The following PKP1 variants were observed in gnomAD, a reference collection of about 807,000 sequenced individuals.
PKP1 encodes plakophilin-1.
Under a neutral mutation model 76.4 loss-of-function variants are expected in PKP1, and 27 were observed. The ratio of observed to expected loss-of-function variants is 0.35; its 90% CI spans 0.26 to 0.49. The LOEUF (loss-of-function observed/expected upper bound fraction) is 0.49, where lower values mean the gene tolerates loss of function less well. PKP1 is among the 20% of genes least tolerant of loss of function. PKP1 has a pLI of 0.99. For missense variants in PKP1, 964 were observed against 955.2 expected (o/e 1.01, Z -0.12); for synonymous variants, 404 against 384.2 (o/e 1.05, Z -0.60).
At chr1:201,323,278 C>T (rs1657005336) in intron 9 of PKP1, 89 bp downstream of exon 9, 2 of 1,311,098 alleles carry the variant, frequency 1.5e-6, no homozygotes, top group Non-Finnish European at 1.1e-6. Context: ...CCCAGCCTGT[C>T]CCCTGACTTC....
At chr1:201,310,597 T>C (rs1779284) in intron 2 of PKP1, among the ~76,000 whole-genome samples, 75,627 of 152,108 alleles carry the variant, frequency 0.5, 22,829 homozygotes, top group East Asian at 0.74. Context: ...TTGGAGGGAA[T>C]CCAGGCCCCC....
chr1:201,296,233 T>C (rs1318947108), intron 2 of PKP1, among the ~76,000 whole-genome samples: 1 of 152,150 alleles, frequency 6.6e-6, no homozygotes, highest in Admixed American at 6.5e-5. Flanking sequence ...AGTGGAATAA[T>C]TGATATTGGA....
chr1:201,293,284 C>A (rs1019760553), intron 1 of PKP1, among the ~76,000 whole-genome samples: 1 of 152,208 alleles, frequency 6.6e-6, no homozygotes, highest in Non-Finnish European at 1.5e-5. Context: ...CACTTTGCCA[C>A]TAATAACCCT....
rs1488332347 is a variant in PKP1 at position 201,328,829 on chromosome 1, G to A, written c.2174G>A (p.Arg725Gln). 9 of 1,613,514 alleles carry A rather than the reference G, an allele frequency of 5.6e-6. No homozygotes were observed. The highest frequency in any genetic ancestry group is 2.7e-5 in the African/African-American group (2 of 74,926). The change falls in exon 13 of 14, where the codon CGA becomes CAA. Residue 725 changes from arginine to glutamine, a missense_variant. Transcript: ENST00000367324. ...GANSLRNFTS[R>Q]F is the part of the protein sequence containing the mutation. ...AACAGCCTCAGGAACTTCACCTCCC[G>A]ATTCTAAGAAGAGACTGTCCAAGCA...
intron 2 of PKP1, among the ~76,000 whole-genome samples, chr1:201,303,792 G>GC (rs1656299210): frequency 6.6e-6 from 1 of 152,154 alleles, no homozygotes; most frequent in Non-Finnish European, 1.5e-5. Flanking sequence ...TCACCCCACA[G>GC]CCACCAGTAG....
rs561106426 is a variant in PKP1, at chr1:201,289,064, G to A, written c.203-4878G>A. 2.0e-5 allele frequency among the ~76,000 whole-genome samples: 3 copies of A among 152,314 alleles called. No homozygotes were observed. The South Asian group carries it at 6.2e-4, about 32-fold the overall frequency. On this transcript the variant is annotated intron_variant, in intron 1 of 13. Transcript: ENST00000367324. ...ATCTCCTAGAAGCTGCCGAGTTGGG[G>A]AGGCATGTCCACGGTGCTCCCAGCA...
Position 201,328,747 on chromosome 1 carries a change from T to C in PKP1, c.2107-15T>C. ...ACAGTTTTGTGTCATTTGGTTGCTG[T>C]TTCTCCCTTTGCAGCAAGGTTTCGA... On this transcript the variant is annotated splice_polypyrimidine_tract_variant and intron_variant, in intron 12 of 13. Coordinates refer to ENST00000367324, the MANE Select transcript of PKP1 (RefSeq NM_001005337.3). 1 of 1,613,546 alleles carries C rather than the reference T, an allele frequency of 6.2e-7. No homozygotes were observed. Among genetic ancestry groups the C allele is most frequent in the Non-Finnish European group, 8.5e-7 (1 of 1,179,464 alleles).
chr1:201,298,706 C>A (rs1226817552), intron 2 of PKP1, among the ~76,000 whole-genome samples: 1 of 152,182 alleles, frequency 6.6e-6, no homozygotes, highest in African/African-American at 2.4e-5. Context: ...TTGGCATTGT[C>A]CTATTCATTG....
chr1:201,298,438 T>C (rs1656134169), intron 2 of PKP1, among the ~76,000 whole-genome samples: 1 of 152,208 alleles, frequency 6.6e-6, no homozygotes, highest in South Asian at 2.1e-4. Flanking sequence ...TTTACTTATT[T>C]TTAAATCAAG....
rs528859043 is a variant in PKP1 at position 201,293,890 on chromosome 1, G to A, written c.203-52G>A. On this transcript the variant is annotated intron_variant, in intron 1 of 13. Transcript: ENST00000367324. The stretch of plus-strand genomic sequence containing the variant: ...AGAAGTGATGCCCTGAGGAACAGGG[G>A]TGGATGAAGATCATGGCCATCCCTG... 8 of 1,189,144 alleles carry A rather than the reference G, an allele frequency of 6.7e-6. No homozygotes were observed. The East Asian group carries it at 1.5e-4, about 22-fold the overall frequency. 73.7% of individuals were successfully genotyped at this position (1,189,144 alleles called of 1,614,324 possible).
chr1:201,317,092 T>G (rs1656774754), intron 4 of PKP1, among the ~76,000 whole-genome samples: 1 of 152,134 alleles, frequency 6.6e-6, no homozygotes, highest in African/African-American at 2.4e-5. Context: ...AAAACAGGCC[T>G]GTTGATGCCT....
At chr1:201,319,528 C>T (rs1284178832) in intron 6 of PKP1, among the ~76,000 whole-genome samples, 1 of 152,158 alleles carries the variant, frequency 6.6e-6, no homozygotes, top group Non-Finnish European at 1.5e-5. Context: ...TCCCTGCCAG[C>T]CTCCGGTAGC....
intron 3 of PKP1, among the ~76,000 whole-genome samples, chr1:201,315,775 A>C (rs1334656735): frequency 6.6e-6 from 1 of 152,234 alleles, no homozygotes; most frequent in Non-Finnish European, 1.5e-5. Context: ...AAGCTGTTTA[A>C]ACTTGAACCT....
At chr1:201,318,201 G>T (rs374842715) in intron 5 of PKP1, among the ~76,000 whole-genome samples, 1 of 152,302 alleles carries the variant, frequency 6.6e-6, no homozygotes, top group Admixed American at 6.5e-5. Flanking sequence ...AGAGGTCACC[G>T]TGAAGACCTA....
rs756541920 is a variant in PKP1 at position 201,324,581 on chromosome 1, G to T, written c.1834G>T (p.Gly612Trp). 6.2e-7 allele frequency: 1 copy of T among 1,614,024 alleles called. No homozygotes were observed. Among genetic ancestry groups the T allele is most frequent in the South Asian group, 1.1e-5 (1 of 91,058 alleles). The part of the protein sequence containing the change: ...SRHPLLHRVM[G>W]NQVFPEVTRL... ...CCACCCTCTGCTGCACAGAGTGATGGGTAAGGTCCCTCTCTCTCCTCCCCC... is the reference window on the plus strand; with the variant it reads ...CCACCCTCTGCTGCACAGAGTGATGTGTAAGGTCCCTCTCTCTCCTCCCCC... The change falls in exon 10 of 14, where the codon GGG (glycine) becomes TGG (tryptophan). Residue 612 changes from glycine to tryptophan, a missense_variant and splice_region_variant. Physicochemically the swap from Gly to Trp is radical, Grantham distance 184 (BLOSUM62 -2). Coordinates refer to ENST00000367324, the MANE Select transcript of PKP1 (RefSeq NM_001005337.3).
chr1:201,293,916 T>C (rs1571541293), intron 1 of PKP1, 26 bp from the exon 2 acceptor site: 1 of 1,494,020 alleles, frequency 6.7e-7, no homozygotes, highest in Non-Finnish European at 9.3e-7. Context: ...GCCATCCCTG[T>C]CCTAATCCCC....
intron 12 of PKP1, among the ~76,000 whole-genome samples, chr1:201,327,367 C>A (rs1007827169): frequency 1.3e-5 from 2 of 152,180 alleles, no homozygotes; most frequent in African/African-American, 2.4e-5. Context: ...TAGGGAGACT[C>A]ATGAACGCAC....
intron 3 of PKP1, among the ~76,000 whole-genome samples, chr1:201,314,378 C>T (rs933193322): frequency 3.3e-5 from 5 of 152,226 alleles, no homozygotes; most frequent in African/African-American, 1.2e-4. Flanking sequence ...AAGAGAATCA[C>T]TTAAGCCCGG....
chr1:201,301,284 G>A (rs916016482), intron 2 of PKP1, among the ~76,000 whole-genome samples: 1 of 152,200 alleles, frequency 6.6e-6, no homozygotes, highest in African/African-American at 2.4e-5. Context: ...AGCAAGTGGG[G>A]AGCACCAAGC....
Sources: allele counts gnomAD v4.1 joint callset (sites outside exome capture counted in the v4.1 genomes callset), GRCh38; gene constraint gnomAD v4.1.1; transcripts MANE v1.5; gene names NCBI Gene and HGNC (gene_info 2026-07-23, HGNC 2026-07-21).